The following TRPM1 variants were observed in gnomAD, a reference collection of about 807,000 sequenced individuals.
The protein encoded by TRPM1 is transient receptor potential cation channel subfamily M member 1, also known as TRPM1-203 APA Isoform, Intron 10.
TRPM1 carries 113 observed loss-of-function variants against 149.4 expected under a neutral mutation model. The ratio of observed to expected loss-of-function variants is 0.76; its 90% confidence interval spans 0.65 to 0.88. TRPM1 has a LOEUF of 0.88. Among genes scored for constraint, TRPM1 ranks in the 40% least tolerant of loss-of-function variants. The pLI is 0.00. For synonymous variants in TRPM1, 741 were observed against 759.5 expected (o/e 0.98, Z 0.40); for missense variants, 1,976 against 2,038.7 (o/e 0.97, Z 0.59).
intron 6 of TRPM1, among the ~76,000 whole-genome samples, chr15:31,066,476 A>G (rs959149109): frequency 6.6e-6 from 1 of 152,236 alleles, no homozygotes; most frequent in African/African-American, 2.4e-5. Flanking sequence ...CATTTATCAC[A>G]GAGAAATGAA....
chr15:31,035,696 A>G, intron 20 of TRPM1, 22 bp from the exon 21 acceptor site: 1 of 1,614,208 alleles, frequency 6.2e-7, no homozygotes, highest in South Asian at 1.1e-5. Context: ...ACAAGCTGTT[A>G]GCCGTGTTTG....
intron 16 of TRPM1, among the ~76,000 whole-genome samples, chr15:31,042,736 T>G (rs2033660121): frequency 6.6e-6 from 1 of 152,230 alleles, no homozygotes; most frequent in East Asian, 1.9e-4. Flanking sequence ...TCCAGTGTTT[T>G]AAGAAAGCAA....
intron 17 of TRPM1, 47 bp downstream of exon 17, chr15:31,041,904 C>G: frequency 1.2e-6 from 2 of 1,608,446 alleles, no homozygotes; most frequent in Non-Finnish European, 1.7e-6. Flanking sequence ...GACAAGTACT[C>G]AGGATGGTCA....
intron 1 of TRPM1, among the ~76,000 whole-genome samples, chr15:31,145,273 C>T (rs999066885): frequency 1.3e-5 from 2 of 152,314 alleles, no homozygotes; most frequent in Admixed American, 1.3e-4. Context: ...GCCAGGACAA[C>T]AAGATGCTGA....
rs1015118738 is a variant in TRPM1, at chr15:31,088,877, C to A, written c.-83-7439G>T. Among the ~76,000 whole-genome samples, 8 of 152,010 alleles carry A rather than the reference C, an allele frequency of 5.3e-5. 1 individual carries two copies. Among genetic ancestry groups the A allele is most frequent in the Non-Finnish European group, 1.2e-4 (8 of 68,014 alleles). ...CTGCTGCGGGTATTGACATTTGGCC[C>A]CCCCGAGCGGGAGATCAGTGTTTGC... On this transcript the variant is annotated intron_variant, in intron 1 of 27. Transcript: ENST00000256552.
chr15:31,047,316 T>C (rs2033804132), intron 14 of TRPM1, 65 bp from the exon 15 acceptor site: 1 of 1,594,600 alleles, frequency 6.3e-7, no homozygotes, highest in Non-Finnish European at 8.6e-7. Context: ...TCATCACACG[T>C]CTAGGGGGTA....
At chr15:31,085,216 T>C (rs1596053911) in intron 1 of TRPM1, among the ~76,000 whole-genome samples, 1 of 152,188 alleles carries the variant, frequency 6.6e-6, no homozygotes, top group East Asian at 1.9e-4. Context: ...GGTGCCTCAG[T>C]CCAAGGTCTC....
intron 1 of TRPM1, among the ~76,000 whole-genome samples, chr15:31,111,318 C>A (rs1033303687): frequency 2.0e-5 from 3 of 152,210 alleles, no homozygotes; most frequent in Non-Finnish European, 4.4e-5. Flanking sequence ...CCCTGAGAGT[C>A]TGAGTGTAAC....
upstream of TRPM1, among the ~76,000 whole-genome samples, chr15:31,105,098 G>C (rs959354323): frequency 1.3e-5 from 2 of 152,162 alleles, no homozygotes; most frequent in Non-Finnish European, 2.9e-5. Flanking sequence ...CTTTTCTTCA[G>C]AGTGTCAGTA....
upstream of TRPM1, among the ~76,000 whole-genome samples, chr15:31,103,744 C>A (rs1056944656): frequency 1.4e-5 from 2 of 143,182 alleles, no homozygotes; most frequent in African/African-American, 5.3e-5. Context: ...ACCCTGGAGG[C>A]GGAAGTTGCA....
intron 20 of TRPM1, 46 bp downstream of exon 20, chr15:31,037,665 G>A: frequency 6.2e-7 from 1 of 1,613,264 alleles, no homozygotes; most frequent in Non-Finnish European, 8.5e-7. Flanking sequence ...ACATATCAAA[G>A]CATTCAAAAT....
chr15:31,032,586 A>G, intron 22 of TRPM1, 103 bp downstream of exon 22: 5 of 1,454,072 alleles, frequency 3.4e-6, no homozygotes, highest in Admixed American at 3.4e-5. Flanking sequence ...CAACTGCAAA[A>G]GAAAAACCAA....
At chr15:31,028,190 A>G (rs1448674932) in intron 25 of TRPM1, 142 bp downstream of exon 25, 31 of 962,988 alleles carry the variant, frequency 3.2e-5, no homozygotes, top group Non-Finnish European at 3.7e-5. Flanking sequence ...TTGAACAAAG[A>G]GACTGCAAAA....
Position 31,063,429 on chromosome 15 carries a change from C to G in TRPM1, c.791-137G>C, listed in dbSNP as rs972234576. ...TCTATCTGGCTGGAAGGAATTCAGG[C>G]ATGTGATAACAATTTTCTTTTTCTT... On this transcript the variant is annotated intron_variant, in intron 7 of 27. Transcript: ENST00000256552. 1.0e-5 allele frequency: 11 copies of G among 1,062,492 alleles called. No individual in the cohort carries two copies. In the African/African-American group the frequency reaches 1.6e-4, roughly 15 times the overall value. The allele number at this position is 1,062,492 out of a possible 1,614,324, so 65.8% of individuals were successfully genotyped here.
intron 1 of TRPM1, among the ~76,000 whole-genome samples, chr15:31,096,066 TAGAAAAGAAA>T (rs113985996): frequency 0.29 from 41,367 of 142,258 alleles, 6,679 homozygotes; most frequent in African/African-American, 0.44. Flanking sequence ...AAAATAAAAA[TAGAAAAGAAA>T]AGAAAAGAAA....
At chr15:31,032,233 G>C (rs767434488) in intron 22 of TRPM1, among the ~76,000 whole-genome samples, 1 of 151,948 alleles carries the variant, frequency 6.6e-6, no homozygotes, top group Non-Finnish European at 1.5e-5. Context: ...ACAAAAAAAC[G>C]AGGCTATTTT....
chr15:31,113,428 G>C (rs1023572642), intron 1 of TRPM1, among the ~76,000 whole-genome samples: 2 of 96,130 alleles, frequency 2.1e-5, no homozygotes, highest in African/African-American at 7.4e-5. Flanking sequence ...ACCCAGCTCT[G>C]ACAGTTTTTT....
chr15:31,136,040 A>C (rs1019941937), intron 1 of TRPM1, among the ~76,000 whole-genome samples: 1 of 152,152 alleles, frequency 6.6e-6, no homozygotes, highest in Non-Finnish European at 1.5e-5. Flanking sequence ...GTAAAAACAA[A>C]TCTGTCAACA....
chr15:31,016,963 A>G (rs1322197086), intron 27 of TRPM1, among the ~76,000 whole-genome samples: 1 of 51,260 alleles, frequency 2.0e-5, no homozygotes, highest in Non-Finnish European at 4.0e-5. Context: ...AACCTGGCGT[A>G]CACACACACA....
Sources: gnomAD v4.1 joint callset for allele counts (sites outside exome capture counted in the v4.1 genomes callset) on GRCh38, gnomAD v4.1.1 for gene constraint, MANE v1.5 for transcripts, NCBI Gene and HGNC (gene_info 2026-07-23, HGNC 2026-07-21) for gene names.